The following INSC variants were observed in gnomAD, a reference collection of about 807,000 sequenced individuals.
INSC encodes protein inscuteable homolog.
In INSC, 67 loss-of-function variants were observed where a neutral mutation model predicts 58.6. The observed-to-expected ratio is 1.14, with a 90% CI of 0.94 to 1.40. INSC has a LOEUF of 1.40. Ranked by LOEUF, INSC falls within the 40% of genes most tolerant of loss-of-function variation. INSC has a pLI of 0.00. For missense variants in INSC, 714 were observed against 692.0 expected, an observed-to-expected ratio of 1.03 and a Z score of -0.36; for synonymous variants, 262 against 276.1, an observed-to-expected ratio of 0.95 and a Z score of 0.51.
chr11:15,118,790 T>C (rs1216544935), intron 1 of INSC, among the ~76,000 whole-genome samples: 1 of 152,254 alleles, frequency 6.6e-6, no homozygotes, highest in African/African-American at 2.4e-5. Flanking sequence ...TTGTGTGAGA[T>C]AGTTAGGACT....
chr11:15,247,848 T>TGAA (rs998922158), downstream of INSC, among the ~76,000 whole-genome samples: 2 of 152,014 alleles, frequency 1.3e-5, no homozygotes, highest in Admixed American at 1.3e-4. Context: ...TGATCTCATC[T>TGAA]GAAAAGTTTT....
intron 2 of INSC, among the ~76,000 whole-genome samples, chr11:15,172,676 T>A (rs1849440567): frequency 6.6e-6 from 1 of 152,190 alleles, no homozygotes; most frequent in Admixed American, 6.5e-5. Context: ...AGGTTTCTAA[T>A]CTGAGGGAGA....
intron 8 of INSC, among the ~76,000 whole-genome samples, chr11:15,225,070 G>A (rs193224798): frequency 2.6e-5 from 4 of 152,246 alleles, no homozygotes; most frequent in South Asian, 4.2e-4. Flanking sequence ...GCTCCTTCCG[G>A]ACTCACAGGC....
chr11:15,206,751 T>A (rs1850816079), intron 7 of INSC, among the ~76,000 whole-genome samples: 1 of 152,276 alleles, frequency 6.6e-6, no homozygotes, highest in African/African-American at 2.4e-5. Flanking sequence ...CCCAGCTTCA[T>A]CTTCTGTAAA....
At chr11:15,171,119 G>A (rs1413955962) in intron 2 of INSC, among the ~76,000 whole-genome samples, 1 of 152,182 alleles carries the variant, frequency 6.6e-6, no homozygotes, top group Non-Finnish European at 1.5e-5. Context: ...CCAGGGCCTT[G>A]TTCTCCTTTC....
intron 11 of INSC, 39 bp downstream of exon 11, chr11:15,239,113 G>A: frequency 6.3e-7 from 1 of 1,583,298 alleles, no homozygotes; most frequent in Admixed American, 1.7e-5. Flanking sequence ...AGTGGAGTGG[G>A]GGTATTGGGG....
chr11:15,122,581 C>A (rs12786222), intron 1 of INSC, among the ~76,000 whole-genome samples: 1 of 152,212 alleles, frequency 6.6e-6, no homozygotes, highest in East Asian at 1.9e-4. Context: ...ATGACTCCTT[C>A]GTCTGGGTAG....
At chr11:15,250,940 AT>A (rs963189993), downstream of INSC, among the ~76,000 whole-genome samples, 1 of 152,224 alleles carries the variant, frequency 6.6e-6, no homozygotes, top group African/African-American at 2.4e-5. Flanking sequence ...GTAAAAATCA[AT>A]TTTTTCAGAA....
rs1293360675 is a variant in INSC, at chr11:15,120,540, G to A, written c.-46+5537G>A. Among the ~76,000 whole-genome samples the A allele has an allele frequency of 3.3e-5, 5 of 152,298 alleles. No individual in the cohort carries two copies. The East Asian group carries it at 7.7e-4, about 23-fold the overall frequency. ...ACATTGTAGGTAGAGAGACCAGCACGTGTGAGGGCACACAAGTGTTGCCTA... is the reference window on the plus strand; with the variant it reads ...ACATTGTAGGTAGAGAGACCAGCACATGTGAGGGCACACAAGTGTTGCCTA... On this transcript the variant is annotated intron_variant, in intron 1 of 12. Coordinates refer to ENST00000379556, the MANE Select transcript of INSC (RefSeq NM_001042536.3).
intron 6 of INSC, among the ~76,000 whole-genome samples, chr11:15,197,626 C>A (rs1007261922): frequency 6.6e-6 from 1 of 152,170 alleles, no homozygotes; most frequent in African/African-American, 2.4e-5. Context: ...AAAATGTGGG[C>A]AACCTGTCTG....
At chr11:15,226,589 A>T (rs944362155) in intron 9 of INSC, among the ~76,000 whole-genome samples, 1 of 152,056 alleles carries the variant, frequency 6.6e-6, no homozygotes, top group African/African-American at 2.4e-5. Flanking sequence ...CCAGTACCTG[A>T]GCTCTAAGTT....
chr11:15,159,289 T>C (rs994718819), intron 2 of INSC, among the ~76,000 whole-genome samples: 1 of 152,168 alleles, frequency 6.6e-6, no homozygotes, highest in Non-Finnish European at 1.5e-5. Flanking sequence ...AGACTGGCTC[T>C]TGGAAACCCT....
chr11:15,133,827 A>G (rs141225523), intron 1 of INSC, among the ~76,000 whole-genome samples: 2 of 152,350 alleles, frequency 1.3e-5, no homozygotes, highest in Non-Finnish European at 2.9e-5. Context: ...TCAGTAATAT[A>G]TTTAAAAAAC....
At chr11:15,208,837 G>T (rs1850911683) in intron 7 of INSC, among the ~76,000 whole-genome samples, 1 of 152,188 alleles carries the variant, frequency 6.6e-6, no homozygotes, top group South Asian at 2.1e-4. Context: ...ACCAGTGGCC[G>T]CTCCATCAGG....
intron 1 of INSC, among the ~76,000 whole-genome samples, chr11:15,130,291 A>G (rs928951416): frequency 7.9e-5 from 12 of 152,202 alleles, no homozygotes; most frequent in African/African-American, 2.9e-4. Context: ...TTGCTAAAAT[A>G]TTTTATGAAT....
intron 2 of INSC, among the ~76,000 whole-genome samples, chr11:15,173,604 G>T (rs1377774370): frequency 1.3e-5 from 2 of 151,934 alleles, no homozygotes; most frequent in African/African-American, 4.8e-5. Flanking sequence ...CTGTGTGTCT[G>T]TATACATATA....
chr11:15,205,035 T>TTCAC (rs1396151896), intron 7 of INSC, among the ~76,000 whole-genome samples: 1 of 152,134 alleles, frequency 6.6e-6, no homozygotes, highest in Non-Finnish European at 1.5e-5. Context: ...GTCTCATTCA[T>TTCAC]TCACTCACGG....
intron 1 of INSC, among the ~76,000 whole-genome samples, chr11:15,131,180 T>C (rs970958836): frequency 6.6e-6 from 1 of 152,124 alleles, no homozygotes; most frequent in Non-Finnish European, 1.5e-5. Context: ...ATAATTTTTG[T>C]TCTCAGTTCT....
intron 1 of INSC, among the ~76,000 whole-genome samples, chr11:15,128,043 C>T (rs1225665563): frequency 1.3e-5 from 2 of 151,974 alleles, no homozygotes; most frequent in Non-Finnish European, 1.5e-5. Flanking sequence ...CTGGGTTCTA[C>T]CACAAATTTG....
Sources: gnomAD v4.1 joint callset for allele counts (sites outside exome capture counted in the v4.1 genomes callset) on GRCh38, gnomAD v4.1.1 for gene constraint, MANE v1.5 for transcripts, NCBI Gene and HGNC (gene_info 2026-07-23, HGNC 2026-07-21) for gene names.